The following NME9 variants were observed in gnomAD, a reference collection of about 807,000 sequenced individuals.
The protein encoded by NME9 is thioredoxin domain-containing protein 6.
In NME9, 48 loss-of-function variants were observed where a neutral mutation model predicts 44.4. The ratio of observed to expected loss-of-function variants is 1.08; its 90% CI spans 0.86 to 1.37. The LOEUF is 1.37. Ranked by LOEUF, NME9 falls within the 40% of genes most tolerant of loss-of-function variation. NME9 has a pLI of 0.00. For synonymous variants in NME9, 139 were observed against 147.1 expected, an observed-to-expected ratio of 0.94 and a Z score of 0.40; for missense variants, 325 against 405.2, an observed-to-expected ratio of 0.80 and a Z score of 1.70.
In NME9 at chr3:138,315,657, C is replaced by G. The variant is rs2053023717; in HGVS notation, c.268-14G>C. On this transcript the variant is annotated splice_polypyrimidine_tract_variant and intron_variant, in intron 4 of 10. Coordinates refer to ENST00000333911, the MANE Select transcript of NME9 (RefSeq NM_001349018.2). Reference sequence around the variant, plus strand: ...CAGTTCTCCTCCCTAGAATACGTTACAAACAGCATGAAATACTCTTGGCAA... The same window carrying G: ...CAGTTCTCCTCCCTAGAATACGTTAGAAACAGCATGAAATACTCTTGGCAA... 6.6e-7 allele frequency: 1 copy of G among 1,506,998 alleles called. No homozygotes were observed. The highest frequency in any genetic ancestry group is 1.2e-5 in the South Asian group (1 of 83,462). 93.4% of individuals were successfully genotyped at this position (1,506,998 alleles called of 1,614,324 possible).
intron 3 of NME9, among the ~76,000 whole-genome samples, chr3:138,319,224 C>T (rs1192937714): frequency 6.6e-6 from 1 of 152,046 alleles, no homozygotes; most frequent in African/African-American, 2.4e-5. Context: ...ATTTGAGTGA[C>T]ATATATTTCT....
intron 8 of NME9, chr3:138,267,032 C>T: frequency 1.7e-6 from 1 of 594,424 alleles, no homozygotes; most frequent in Non-Finnish European, 2.8e-6. Flanking sequence ...CTTCCTATCT[C>T]TCCAATACGA....
At chr3:138,270,219 T>C in intron 8 of NME9, 1 of 1,060,524 alleles carries the variant, frequency 9.4e-7, no homozygotes, top group Admixed American at 2.4e-5. Flanking sequence ...ATTTGAAATG[T>C]CTGGAATTTT....
intron 2 of NME9, chr3:138,324,573 C>A (rs992050341): frequency 4.6e-5 from 23 of 501,652 alleles, no homozygotes; most frequent in African/African-American, 3.3e-4. Context: ...TGTATTCCTT[C>A]CAATGCATTC....
chr3:138,289,033 T>G, intron 8 of NME9: 1 of 1,606,022 alleles, frequency 6.2e-7, no homozygotes, highest in Non-Finnish European at 8.5e-7. Context: ...TTTTTTTCTT[T>G]TTCTGTATTA....
At chr3:138,328,754 C>T (rs2053949054) in intron 1 of NME9, among the ~76,000 whole-genome samples, 1 of 152,178 alleles carries the variant, frequency 6.6e-6, no homozygotes, top group Non-Finnish European at 1.5e-5. Flanking sequence ...TCACTTGTCC[C>T]ACATGCAAAT....
intron 2 of NME9, among the ~76,000 whole-genome samples, chr3:138,320,631 A>T (rs1453461154): frequency 6.6e-6 from 1 of 152,244 alleles, no homozygotes; most frequent in Non-Finnish European, 1.5e-5. Flanking sequence ...CACTGTTCTA[A>T]CACTGTTCTA....
chr3:138,279,972 C>T (rs567344511), intron 8 of NME9, among the ~76,000 whole-genome samples: 48 of 150,456 alleles, frequency 3.2e-4, no homozygotes, highest in Admixed American at 1.5e-3. Context: ...TGGCTGATCT[C>T]GGCTCACTGC....
intron 6 of NME9, among the ~76,000 whole-genome samples, chr3:138,308,965 A>C (rs900149758): frequency 6.0e-5 from 9 of 150,778 alleles, no homozygotes; most frequent in Non-Finnish European, 1.0e-4. Flanking sequence ...AAAAAAAAAA[A>C]AAAACTGTCA....
At chr3:138,276,181 T>C (rs751189439) in intron 8 of NME9, among the ~76,000 whole-genome samples, 5 of 152,162 alleles carry the variant, frequency 3.3e-5, no homozygotes, top group Admixed American at 6.5e-5. Flanking sequence ...GATCTGGAAA[T>C]AGGCGAGTAT....
intron 8 of NME9, among the ~76,000 whole-genome samples, chr3:138,276,665 A>G (rs991749137): frequency 2.0e-4 from 30 of 152,214 alleles, no homozygotes; most frequent in African/African-American, 7.0e-4. Flanking sequence ...AAACAGTACC[A>G]TTTGCAGTAA....
chr3:138,284,315 A>C, intron 8 of NME9: 1 of 725,672 alleles, frequency 1.4e-6, no homozygotes, highest in Non-Finnish European at 2.4e-6. Context: ...GGGCATTGAG[A>C]GTGGAACCTG....
At chr3:138,274,140 A>G (rs2108311252) in intron 8 of NME9, among the ~76,000 whole-genome samples, 1 of 151,986 alleles carries the variant, frequency 6.6e-6, no homozygotes, top group Middle Eastern at 3.4e-3. Context: ...TTTCTTTAAT[A>G]TATTTGGGTT....
At chr3:138,298,348 A>T (rs2051665560), downstream of NME9, 1 of 152,236 alleles carries the variant, frequency 6.6e-6, no homozygotes, top group African/African-American at 2.4e-5. Flanking sequence ...ATTTTAACAC[A>T]TGCTAATAAA....
intron 8 of NME9, among the ~76,000 whole-genome samples, chr3:138,280,525 G>A (rs1257532598): frequency 5.1e-5 from 7 of 137,226 alleles, no homozygotes; most frequent in South Asian, 4.7e-4. Context: ...ACAGTCTCTC[G>A]CTCTGTCGCC....
chr3:138,315,733 T>C, intron 4 of NME9, 90 bp from the exon 5 acceptor site: 1 of 1,042,916 alleles, frequency 9.6e-7, no homozygotes, highest in Non-Finnish European at 1.4e-6. Flanking sequence ...TGTCCCCAAG[T>C]TCAAGGTCCC....
Position 138,320,841 on chromosome 3 carries a change from A to ATCACTGGAGGAATCTG in NME9, c.92-1276_92-1261dup, listed in dbSNP as rs532901241. Among the ~76,000 whole-genome samples, 132 of 152,320 alleles carry ATCACTGGAGGAATCTG rather than the reference A, an allele frequency of 8.7e-4. 1 individual carries two copies. The highest frequency in any genetic ancestry group is 3.0e-3 in the African/African-American group (123 of 41,576). On this transcript the variant is annotated intron_variant, in intron 2 of 10. Coordinates refer to ENST00000333911, the MANE Select transcript of NME9 (RefSeq NM_001349018.2). ...GGTGTGGTAGGAAGTGGTGGCAGGGATCACTGGAGGAATCTGGAATGTGGG... is the reference window on the plus strand; with the variant it reads ...GGTGTGGTAGGAAGTGGTGGCAGGGATCACTGGAGGAATCTGTCACTGGAGGAATCTGGAATGTGGG...
downstream of NME9, among the ~76,000 whole-genome samples, chr3:138,298,970 A>T (rs2051704496): frequency 6.6e-6 from 1 of 152,190 alleles, no homozygotes. Context: ...AGAGAGTAGG[A>T]GCAGGGCCAA....
chr3:138,316,295 AT>A (rs1444955298), intron 4 of NME9, among the ~76,000 whole-genome samples: 1 of 152,210 alleles, frequency 6.6e-6, no homozygotes, highest in African/African-American at 2.4e-5. Flanking sequence ...TGATTTATTC[AT>A]TCAACAAATA....
Sources: allele counts gnomAD v4.1 joint callset (sites outside exome capture counted in the v4.1 genomes callset), GRCh38; gene constraint gnomAD v4.1.1; transcripts MANE v1.5; gene names NCBI Gene and HGNC (gene_info 2026-07-23, HGNC 2026-07-21).